The following PRKD1 variants were observed in gnomAD, a reference collection of about 807,000 sequenced individuals.
The protein encoded by PRKD1 is protein kinase D1.
PRKD1 carries 63 observed loss-of-function variants against 95.9 expected under a neutral mutation model. That is an observed-to-expected ratio of 0.66 (90% CI 0.54 to 0.81). The LOEUF (loss-of-function observed/expected upper bound fraction) is 0.81, where lower values mean the gene tolerates loss of function less well. Among genes scored for constraint, PRKD1 ranks in the 30% least tolerant of loss-of-function variants. PRKD1 has a pLI of 0.00. For synonymous variants in PRKD1, 425 were observed against 423.1 expected, an observed-to-expected ratio of 1.00 and a Z score of -0.05; for missense variants, 1,048 against 1,165.3, an observed-to-expected ratio of 0.90 and a Z score of 1.47.
intron 1 of PRKD1, among the ~76,000 whole-genome samples, chr14:29,838,852 G>A (rs1380992821): frequency 2.0e-5 from 3 of 152,046 alleles, no homozygotes; most frequent in Non-Finnish European, 2.9e-5. Flanking sequence ...ACTAAGTAAT[G>A]GGTTTGAAAA....
intron 2 of PRKD1, among the ~76,000 whole-genome samples, chr14:29,706,992 G>C (rs1019814050): frequency 2.0e-5 from 3 of 152,058 alleles, no homozygotes; most frequent in Non-Finnish European, 2.9e-5. Flanking sequence ...GGTGTAAAAG[G>C]GAACTGGAAG....
chr14:29,765,357 C>T (rs1294084638), intron 1 of PRKD1, among the ~76,000 whole-genome samples: 1 of 152,090 alleles, frequency 6.6e-6, no homozygotes, highest in East Asian at 1.9e-4. Context: ...ACACACCCAC[C>T]TGAATACTTT....
At chr14:29,659,607 T>C (rs142592525) in intron 4 of PRKD1, among the ~76,000 whole-genome samples, 185 of 152,280 alleles carry the variant, frequency 1.2e-3, no homozygotes, top group African/African-American at 4.1e-3. Flanking sequence ...TAAGTTTAGT[T>C]GCTCAGTATC....
chr14:29,670,682 G>A (rs576988519), intron 2 of PRKD1, among the ~76,000 whole-genome samples: 6 of 152,126 alleles, frequency 3.9e-5, no homozygotes, highest in African/African-American at 9.6e-5. Context: ...GCTTGCACAT[G>A]TCCATTCTCC....
Position 29,626,833 on chromosome 14 carries a change from G to C in PRKD1, c.1726-277C>G, listed in dbSNP as rs1879662088. Among the ~76,000 whole-genome samples, 3 of 151,382 alleles carry C rather than the reference G, an allele frequency of 2.0e-5. No individual in the cohort carries two copies. The South Asian group carries it at 6.2e-4, about 31-fold the overall frequency. On this transcript the variant is annotated intron_variant, in intron 11 of 17. Transcript: ENST00000331968. ...AGGTTCAAGAGATTCTCCTGCCTCA[G>C]CCTCCTGAGTAGTTGGGATTACAGG...
intron 1 of PRKD1, among the ~76,000 whole-genome samples, chr14:29,831,086 T>G (rs1891390843): frequency 6.6e-6 from 1 of 152,230 alleles, no homozygotes; most frequent in African/African-American, 2.4e-5. Context: ...TTAAAGTCAT[T>G]ACATCAGTAG....
In PRKD1 at chr14:29,792,688, G is replaced by T. The variant is rs28497221; in HGVS notation, c.265-67014C>A. Among the ~76,000 whole-genome samples the T allele has an allele frequency of 5.1e-3, 783 of 152,108 alleles. 7 individuals are homozygous for T. The highest frequency in any genetic ancestry group is 0.016 in the African/African-American group (672 of 41,512). On this transcript the variant is annotated intron_variant, in intron 1 of 17. Transcript: ENST00000331968. ...AAAATGTCTTAAGTGCCAAGACATG[G>T]CATTGTTGAAAAACTCAGGCAAAAA...
intron 1 of PRKD1, among the ~76,000 whole-genome samples, chr14:29,903,838 G>A (rs1440030358): frequency 6.6e-6 from 1 of 152,096 alleles, no homozygotes; most frequent in African/African-American, 2.4e-5. Context: ...AGCTTGTACA[G>A]TCTAGCTTTA....
At chr14:29,868,225 C>A (rs1346131211) in intron 1 of PRKD1, among the ~76,000 whole-genome samples, 2 of 152,048 alleles carry the variant, frequency 1.3e-5, no homozygotes, top group Admixed American at 6.6e-5. Context: ...TCAAGAAAAA[C>A]CCACGCTGAA....
At chr14:29,812,057 C>A (rs1360370401) in intron 1 of PRKD1, 1 of 152,144 alleles carries the variant, frequency 6.6e-6, no homozygotes, top group Admixed American at 6.6e-5. Flanking sequence ...TACACACACA[C>A]CCCCAAACCC....
In PRKD1 at chr14:29,927,572, A is replaced by G. The variant is rs1895357110; in HGVS notation, c.-60T>C. 5 of 1,107,610 alleles carry G rather than the reference A, an allele frequency of 4.5e-6. No homozygotes were observed. Among genetic ancestry groups the G allele is most frequent in the African/African-American group, 1.7e-5 (1 of 60,120 alleles). The allele number at this position is 1,107,610 out of a possible 1,614,324, so 68.6% of individuals were successfully genotyped here. On this transcript the variant is annotated 5_prime_UTR_variant, in exon 1 of 18. Coordinates refer to ENST00000331968, the MANE Select transcript of PRKD1 (RefSeq NM_002742.3). ...CGGGGGCTGGCGGCGCGGCAGCAGG[A>G]AAGTTTTGCAGCCGCTGAGCCAGGA...
At chr14:29,871,455 T>C (rs1437286294) in intron 1 of PRKD1, among the ~76,000 whole-genome samples, 1 of 152,204 alleles carries the variant, frequency 6.6e-6, no homozygotes, top group Non-Finnish European at 1.5e-5. Context: ...GTGTAGTAGA[T>C]GCAGCTCTGT....
chr14:29,666,993 T>C (rs552013116), intron 2 of PRKD1, among the ~76,000 whole-genome samples: 8 of 152,304 alleles, frequency 5.3e-5, no homozygotes, highest in Non-Finnish European at 1.2e-4. Context: ...GATATTTTTA[T>C]TGTATTATAA....
chr14:29,609,722 T>TA (rs1878318739), intron 13 of PRKD1, among the ~76,000 whole-genome samples: 1 of 147,972 alleles, frequency 6.8e-6, no homozygotes, highest in Non-Finnish European at 1.5e-5. Context: ...TTATTTTTTT[T>TA]TTTTTTTTGT....
chr14:29,673,295 C>T (rs965674609), intron 2 of PRKD1, among the ~76,000 whole-genome samples: 1 of 152,188 alleles, frequency 6.6e-6, no homozygotes, highest in Admixed American at 6.5e-5. Flanking sequence ...ATGCCATCTA[C>T]CTCCATACTT....
intron 1 of PRKD1, among the ~76,000 whole-genome samples, chr14:29,771,941 T>C (rs111309245): frequency 0.011 from 1,698 of 152,370 alleles, 33 homozygotes; most frequent in African/African-American, 0.038. Flanking sequence ...AAGAGGAATA[T>C]CTACCCCGTG....
At chr14:29,761,776 CTTTCT>C (rs1218719444) in intron 1 of PRKD1, among the ~76,000 whole-genome samples, 1 of 136,472 alleles carries the variant, frequency 7.3e-6, no homozygotes, top group Non-Finnish European at 1.6e-5. Flanking sequence ...CAGTGATGTT[CTTTCT>C]TTTTTTTTTT....
intron 16 of PRKD1, among the ~76,000 whole-genome samples, chr14:29,580,025 A>C (rs45486797): frequency 7.9e-5 from 12 of 152,286 alleles, no homozygotes; most frequent in African/African-American, 2.9e-4. Flanking sequence ...AAAATGGAGG[A>C]CAAGGAGTGA....
intron 1 of PRKD1, among the ~76,000 whole-genome samples, chr14:29,763,125 T>TA (rs36087571): frequency 0.3 from 19,685 of 64,822 alleles, 2,200 homozygotes; most frequent in African/African-American, 0.39. Context: ...TCTCTAAAAT[T>TA]AAAAAAAAAA....
Sources: allele counts gnomAD v4.1 joint callset (sites outside exome capture counted in the v4.1 genomes callset), GRCh38; gene constraint gnomAD v4.1.1; transcripts MANE v1.5; gene names NCBI Gene and HGNC (gene_info 2026-07-23, HGNC 2026-07-21).